The following SETD2 variants were observed in gnomAD, a reference collection of about 807,000 sequenced individuals.
SETD2 encodes histone-lysine N-methyltransferase SETD2.
SETD2 carries 31 observed loss-of-function variants against 242.1 expected under a neutral mutation model. The ratio of observed to expected loss-of-function variants is 0.13; its 90% CI spans 0.10 to 0.17. The LOEUF (loss-of-function observed/expected upper bound fraction) is 0.17, where lower values mean the gene tolerates loss of function less well. SETD2 is among the 10% of genes least tolerant of loss of function. The pLI is 1.00. For synonymous variants in SETD2, 1,006 were observed against 1,066.5 expected, an observed-to-expected ratio of 0.94 and a Z score of 1.11; for missense variants, 2,481 against 3,046.3, an observed-to-expected ratio of 0.81 and a Z score of 4.37.
At chr3:47,083,028 T>A (rs1362016934) in intron 12 of SETD2, among the ~76,000 whole-genome samples, 1 of 152,200 alleles carries the variant, frequency 6.6e-6, no homozygotes, top group East Asian at 1.9e-4. Context: ...ACAAATGAAA[T>A]GTACCACACC....
chr3:47,105,987 A>T lies in SETD2; in HGVS notation c.4839+10T>A, dbSNP rs2042404462. ...ATCTGTTTCAAGGCAAACATATCCAAGCTGCTTACCTCATCATTCTTCAGG... is the reference window on the plus strand; with the variant it reads ...ATCTGTTTCAAGGCAAACATATCCATGCTGCTTACCTCATCATTCTTCAGG... On this transcript the variant is annotated intron_variant, in intron 6 of 20. Coordinates refer to ENST00000409792, the MANE Select transcript of SETD2 (RefSeq NM_014159.7). The T allele has an allele frequency of 6.2e-7, 1 of 1,613,052 alleles. No individual in the cohort carries two copies. The highest frequency in any genetic ancestry group is 2.2e-5 in the East Asian group (1 of 44,808).
At chr3:47,081,596 A>G (rs2041321004) in intron 12 of SETD2, among the ~76,000 whole-genome samples, 1 of 152,178 alleles carries the variant, frequency 6.6e-6, no homozygotes, top group Non-Finnish European at 1.5e-5. Context: ...TTTCTCTAAA[A>G]CATGTTCAAA....
At chr3:47,098,657 A>G (rs182818469) in intron 8 of SETD2, among the ~76,000 whole-genome samples, 443 of 152,214 alleles carry the variant, frequency 2.9e-3, no homozygotes, top group Non-Finnish European at 5.1e-3. Flanking sequence ...TTAGCTGGGC[A>G]TGGTGGCACA....
chr3:47,057,527 TA>T, intron 14 of SETD2, 37 bp from the exon 15 acceptor site: 1 of 1,485,346 alleles, frequency 6.7e-7, no homozygotes, highest in South Asian at 1.2e-5. Context: ...AGTTGCTCCC[TA>T]AATCATAGAC....
In SETD2 at chr3:47,017,227, G is replaced by A. The variant is rs1559633970; in HGVS notation, c.7561C>T (p.Leu2521=). 3 of 1,614,072 alleles carry A rather than the reference G, an allele frequency of 1.9e-6. No individual in the cohort carries two copies. The highest frequency in any genetic ancestry group is 2.5e-6 in the Non-Finnish European group (3 of 1,180,022). The change falls in exon 21 of 21, where the codon CTG becomes TTG. Residue 2521 remains leucine, a synonymous_variant. Transcript: ENST00000409792. This position sits in a 1 kb window ranked among gnomAD's most constrained non-coding sequence, Gnocchi z 4.8. ...TCCTCAGGATTCTTACAGTACTTCA[G>A]CTCCTTATTCATAACACCGTGAGTC... The part of the protein sequence containing the change: ...KLTHGVMNKE[L]KYCKNPEDLE...
intron 1 of SETD2, among the ~76,000 whole-genome samples, chr3:47,142,445 G>A (rs1458202237): frequency 6.6e-6 from 1 of 151,994 alleles, no homozygotes. Flanking sequence ...AGAGGCCAAG[G>A]GTGCAGTGAG....
chr3:47,122,738 A>C lies in SETD2; in HGVS notation c.1898T>G (p.Leu633Trp). 2 of 1,610,926 alleles carry C rather than the reference A, an allele frequency of 1.2e-6. No homozygotes were observed. Among genetic ancestry groups the C allele is most frequent in the Admixed American group, 3.4e-5 (2 of 59,378 alleles). ...TATAAATTCGGACTTAAAAATAGGC[A>C]ATTCATCTAGCTTTTTTAAAGTAGG... is the stretch of plus-strand genomic sequence containing the variant. Reference protein sequence around the residue: ...DSPTLKKLDELPIFKSEFITH... With the variant: ...DSPTLKKLDEWPIFKSEFITH... The change falls in exon 3 of 21, where the codon TTG becomes TGG. Residue 633 changes from leucine (L) to tryptophan (W), a missense_variant. Transcript: ENST00000409792.
rs79781114 is a variant in SETD2, at chr3:47,017,551, T to A, written c.7533+87A>T. 51 of 1,014,732 alleles carry A rather than the reference T, an allele frequency of 5.0e-5. No homozygotes were observed. Among genetic ancestry groups the A allele is most frequent in the African/African-American group, 4.4e-4 (27 of 61,682 alleles). 62.9% of individuals were successfully genotyped at this position (1,014,732 alleles called of 1,614,324 possible). ...TGACATCTGACAAGAAAAAAAAAAA[T>A]ACTTTCTATGATGAAAAGGGCTTCT... On this transcript the variant is annotated intron_variant, in intron 20 of 20. Transcript: ENST00000409792. This position sits in a 1 kb window ranked among gnomAD's most constrained non-coding sequence, Gnocchi z 4.8.
chr3:47,074,139 C>G (rs2040948168), intron 12 of SETD2, among the ~76,000 whole-genome samples: 1 of 152,080 alleles, frequency 6.6e-6, no homozygotes, highest in Admixed American at 6.5e-5. Flanking sequence ...ATATGCAGTT[C>G]TGAAAAATAA....
chr3:47,098,543 G>C (rs1048000253), intron 8 of SETD2: 2 of 153,264 alleles, frequency 1.3e-5, no homozygotes, highest in Non-Finnish European at 2.9e-5. Context: ...AGACTGGCTG[G>C]GCACAGTGGC....
intron 1 of SETD2, among the ~76,000 whole-genome samples, chr3:47,138,676 C>T (rs2106784776): frequency 6.6e-6 from 1 of 152,250 alleles, no homozygotes; most frequent in South Asian, 2.1e-4. Flanking sequence ...CCACCTTGGC[C>T]TCCCAAAGTG....
At chr3:47,143,170 T>C (rs527988069) in intron 1 of SETD2, among the ~76,000 whole-genome samples, 44 of 152,234 alleles carry the variant, frequency 2.9e-4, no homozygotes, top group Admixed American at 2.9e-3. Context: ...GATGCATGCC[T>C]GTAGTCCCAG....
At chr3:47,112,746 C>A (rs2042708536) in intron 5 of SETD2, among the ~76,000 whole-genome samples, 1 of 152,036 alleles carries the variant, frequency 6.6e-6, no homozygotes, top group South Asian at 2.1e-4. Flanking sequence ...TGCGCCACCA[C>A]ACCCATCTAA....
chr3:47,080,402 C>T (rs1313690075), intron 12 of SETD2, among the ~76,000 whole-genome samples: 2 of 152,030 alleles, frequency 1.3e-5, no homozygotes, highest in Non-Finnish European at 2.9e-5. Flanking sequence ...TCTGGAATCA[C>T]TAACCATTAC....
chr3:47,052,021 G>A (rs1347776641), intron 15 of SETD2, among the ~76,000 whole-genome samples: 1 of 152,102 alleles, frequency 6.6e-6, no homozygotes, highest in Non-Finnish European at 1.5e-5. Flanking sequence ...TAAAAGCCTA[G>A]ACTTCTAGGC....
chr3:47,040,637 C>T (rs769028697), intron 17 of SETD2, among the ~76,000 whole-genome samples: 17 of 129,678 alleles, frequency 1.3e-4, no homozygotes, highest in East Asian at 2.4e-4. Flanking sequence ...TGCAGTGGCG[C>T]AATCATGGCT....
intron 18 of SETD2, among the ~76,000 whole-genome samples, chr3:47,021,617 C>T (rs2038222852): frequency 6.6e-6 from 1 of 152,128 alleles, no homozygotes; most frequent in South Asian, 2.1e-4. Flanking sequence ...GGTCCCCAGA[C>T]TTACATCATG....
chr3:47,045,108 C>T (rs2107545715), intron 16 of SETD2, among the ~76,000 whole-genome samples: 2 of 152,280 alleles, frequency 1.3e-5, no homozygotes, highest in East Asian at 3.9e-4. Flanking sequence ...GTTACTTCGG[C>T]CAGGTGTGGT....
intron 5 of SETD2, among the ~76,000 whole-genome samples, chr3:47,112,183 G>A (rs940159126): frequency 1.1e-4 from 17 of 149,702 alleles, no homozygotes; most frequent in Non-Finnish European, 2.1e-4. Flanking sequence ...CCATGATCTC[G>A]GCTCACTGCA....
Sources: gnomAD v4.1 joint callset for allele counts (sites outside exome capture counted in the v4.1 genomes callset) on GRCh38, gnomAD v4.1.1 for gene constraint, Gnocchi (gnomAD v3.1) non-coding constraint, MANE v1.5 for transcripts, NCBI Gene and HGNC (gene_info 2026-07-23, HGNC 2026-07-21) for gene names.